Variants in MRAS observed in about 807,000 individuals in gnomAD.
MRAS encodes ras-related protein M-Ras.
Under a neutral mutation model 20.9 loss-of-function variants are expected in MRAS, and 4 were observed. That is an observed-to-expected ratio of 0.19 (90% CI 0.09 to 0.44). The LOEUF (loss-of-function observed/expected upper bound fraction) is 0.44, where lower values mean the gene tolerates loss of function less well. Ranked by LOEUF, MRAS falls within the 20% of genes least tolerant of loss-of-function variation. The pLI is 0.99. For synonymous variants in MRAS, 98 were observed against 102.9 expected (o/e 0.95, Z 0.29); for missense variants, 154 against 277.5 (o/e 0.56, Z 3.16).
intron 2 of MRAS, among the ~76,000 whole-genome samples, chr3:138,381,407 G>A (rs951779207): frequency 5.9e-5 from 9 of 152,178 alleles, no homozygotes; most frequent in South Asian, 2.1e-4. Flanking sequence ...TGACTCTGCC[G>A]AGCGTGTCCT....
At chr3:138,395,391 C>G (rs1251199715) in intron 2 of MRAS, among the ~76,000 whole-genome samples, 2 of 152,162 alleles carry the variant, frequency 1.3e-5, no homozygotes, top group Non-Finnish European at 2.9e-5. Flanking sequence ...TTGCTTAGAA[C>G]CAAGTGAAAC....
chr3:138,392,805 A>G (rs892236254), intron 2 of MRAS, among the ~76,000 whole-genome samples: 13 of 152,220 alleles, frequency 8.5e-5, no homozygotes, highest in African/African-American at 3.1e-4. Context: ...AGATGGATTT[A>G]ATCCATTTGC....
chr3:138,398,280 C>T (rs895685884), intron 3 of MRAS, among the ~76,000 whole-genome samples, 189 bp from the exon 4 acceptor site: 1 of 152,220 alleles, frequency 6.6e-6, no homozygotes, highest in Non-Finnish European at 1.5e-5. Context: ...AGATAGCCAG[C>T]AGCCCCCGGG....
At chr3:138,351,672 C>T (rs1343487107) in intron 1 of MRAS, among the ~76,000 whole-genome samples, 2 of 152,138 alleles carry the variant, frequency 1.3e-5, no homozygotes, top group Non-Finnish European at 2.9e-5. Flanking sequence ...CTCAGATCTC[C>T]CAAAGATGCT....
intron 2 of MRAS, among the ~76,000 whole-genome samples, chr3:138,378,863 C>T (rs2054840450): frequency 6.6e-6 from 1 of 152,128 alleles, no homozygotes; most frequent in South Asian, 2.1e-4. Context: ...ACCTATTAAA[C>T]ACTGACTCCC....
intron 2 of MRAS, among the ~76,000 whole-genome samples, chr3:138,378,304 T>A (rs1190223563): frequency 6.6e-6 from 1 of 152,194 alleles, no homozygotes; most frequent in Non-Finnish European, 1.5e-5. Context: ...CTTGTTTTCT[T>A]CCAGGAAGTC....
chr3:138,358,710 C>CAA (rs1220743921), intron 1 of MRAS, among the ~76,000 whole-genome samples: 1 of 152,222 alleles, frequency 6.6e-6, no homozygotes, highest in Non-Finnish European at 1.5e-5. Context: ...TACATGTTTA[C>CAA]GTCTTGTAAA....
At chr3:138,382,026 T>C (rs1005917783) in intron 2 of MRAS, among the ~76,000 whole-genome samples, 1 of 152,200 alleles carries the variant, frequency 6.6e-6, no homozygotes. Context: ...CAACTAAGAA[T>C]GGGGTGCAGG....
At chr3:138,380,196 T>A (rs1460353609) in intron 2 of MRAS, among the ~76,000 whole-genome samples, 2 of 152,208 alleles carry the variant, frequency 1.3e-5, no homozygotes, top group African/African-American at 4.8e-5. Context: ...CAGAATTTTA[T>A]TTTATTTTGC....
At chr3:138,395,286 C>T (rs2055211921) in intron 2 of MRAS, among the ~76,000 whole-genome samples, 1 of 152,110 alleles carries the variant, frequency 6.6e-6, no homozygotes, top group Non-Finnish European at 1.5e-5. Context: ...ATCCACTTGC[C>T]TCGGCCTCCC....
At chr3:138,381,193 T>A (rs928642489) in intron 2 of MRAS, among the ~76,000 whole-genome samples, 1 of 152,258 alleles carries the variant, frequency 6.6e-6, no homozygotes, top group Non-Finnish European at 1.5e-5. Context: ...TGAATAACGC[T>A]GCTATGAGCA....
chr3:138,356,534 C>T (rs2054337856), intron 1 of MRAS, among the ~76,000 whole-genome samples: 1 of 152,138 alleles, frequency 6.6e-6, no homozygotes, highest in Admixed American at 6.5e-5. Context: ...GAAATGGAGG[C>T]TCAAGGAGGA....
chr3:138,372,917 C>A lies in MRAS; in HGVS notation c.34C>A (p.Pro12Thr). Reference protein sequence around the residue: ...ATSAVPSDNLPTYKLVVVGDG... With the variant: ...ATSAVPSDNLTTYKLVVVGDG... ...CAGCGCCGTCCCCAGTGACAACCTCCCCACATACAAGCTGGTGGTGGTGGG... is the reference window on the plus strand; with the variant it reads ...CAGCGCCGTCCCCAGTGACAACCTCACCACATACAAGCTGGTGGTGGTGGG... Residue 12 changes from proline (P) to threonine (T), a missense_variant, in exon 2 of 6, where the codon CCC becomes ACC. Around this residue, in one of 3 missense-constraint regions of MRAS, gnomAD observed 27 missense variants for 42.0 expected, o/e 0.64. Coordinates refer to ENST00000423968, the MANE Select transcript of MRAS (RefSeq NM_001085049.3). 1 of 1,550,610 alleles carries A rather than the reference C, an allele frequency of 6.4e-7. No individual in the cohort carries two copies. The highest frequency in any genetic ancestry group is 8.7e-7 in the Non-Finnish European group (1 of 1,155,536).
rs1408849808 is a variant in MRAS, at chr3:138,403,764, G to A, written c.*1495G>A. 3 of 152,608 alleles carry A rather than the reference G, an allele frequency of 2.0e-5. No individual in the cohort carries two copies. In the East Asian group the frequency reaches 5.8e-4, roughly 29 times the overall value. The allele number at this position is 152,608 out of a possible 1,614,324, so 9.5% of individuals were successfully genotyped here. On this transcript the variant is annotated 3_prime_UTR_variant, in exon 6 of 6. Coordinates refer to ENST00000423968, the MANE Select transcript of MRAS (RefSeq NM_001085049.3). ...GTCAGAATAAAAGGCAGCACAGCTGGTGACCTTATTTTCTAGATGTTACAA... is the reference window on the plus strand; with the variant it reads ...GTCAGAATAAAAGGCAGCACAGCTGATGACCTTATTTTCTAGATGTTACAA...
chr3:138,378,496 G>T (rs2054830147), intron 2 of MRAS, among the ~76,000 whole-genome samples: 1 of 152,184 alleles, frequency 6.6e-6, no homozygotes, highest in Non-Finnish European at 1.5e-5. Context: ...AACCCTCGGA[G>T]CCTCTCTTCC....
chr3:138,362,387 C>T (rs184477343), intron 1 of MRAS, among the ~76,000 whole-genome samples: 1 of 152,130 alleles, frequency 6.6e-6, no homozygotes, highest in Non-Finnish European at 1.5e-5. Context: ...TAATAACCCT[C>T]CCCCACAACT....
At chr3:138,357,028 G>A (rs2054349787) in intron 1 of MRAS, among the ~76,000 whole-genome samples, 1 of 152,198 alleles carries the variant, frequency 6.6e-6, no homozygotes. Context: ...TTTTATTTCT[G>A]GACTCCCAAC....
chr3:138,356,097 C>T (rs891095827), intron 1 of MRAS, among the ~76,000 whole-genome samples: 7 of 152,210 alleles, frequency 4.6e-5, no homozygotes, highest in Non-Finnish European at 7.3e-5. Flanking sequence ...ACATATTATA[C>T]AACCAGTGCC....
At chr3:138,397,244 CA>C (rs2055255798) in intron 2 of MRAS, 79 bp from the exon 3 acceptor site, 1 of 1,522,030 alleles carries the variant, frequency 6.6e-7, no homozygotes, top group Non-Finnish European at 8.9e-7. Context: ...ACAGCAGCAG[CA>C]GCAGTGTTGG....
Sources: allele counts gnomAD v4.1 joint callset (sites outside exome capture counted in the v4.1 genomes callset), GRCh38; gene constraint gnomAD v4.1.1; regional missense constraint gnomAD v4.1.1; transcripts MANE v1.5; gene names NCBI Gene and HGNC (gene_info 2026-07-23, HGNC 2026-07-21).